Variants in ABI3BP observed in about 807,000 individuals in gnomAD.
The protein encoded by ABI3BP is target of Nesh-SH3.
In ABI3BP, 216 loss-of-function variants were observed where a neutral mutation model predicts 268.6. The ratio of observed to expected loss-of-function variants is 0.80; its 90% CI spans 0.72 to 0.90. The LOEUF (loss-of-function observed/expected upper bound fraction) is 0.90, where lower values mean the gene tolerates loss of function less well. Among genes scored for constraint, ABI3BP ranks in the 40% least tolerant of loss-of-function variants. The pLI, the probability that ABI3BP is intolerant of heterozygous loss-of-function variation, is 0.00. For synonymous variants in ABI3BP, 730 were observed against 730.0 expected, an observed-to-expected ratio of 1.00 and a Z score of 0.00; for missense variants, 2,090 against 2,182.4, an observed-to-expected ratio of 0.96 and a Z score of 0.84.
intron 3 of ABI3BP, among the ~76,000 whole-genome samples, chr3:100,900,273 G>T (rs1357407931): frequency 6.6e-6 from 1 of 152,186 alleles, no homozygotes; most frequent in African/African-American, 2.4e-5. Context: ...TGCAGTGAAG[G>T]CAGGGAACAC....
chr3:100,965,157 AAG>A (rs1176746092), intron 1 of ABI3BP, among the ~76,000 whole-genome samples: 3 of 152,172 alleles, frequency 2.0e-5, no homozygotes, highest in Admixed American at 6.5e-5. Flanking sequence ...TCTTTTCAGT[AAG>A]AGTTCAAACC....
intron 14 of ABI3BP, among the ~76,000 whole-genome samples, chr3:100,853,735 T>G (rs1359467879): frequency 6.6e-6 from 1 of 152,212 alleles, no homozygotes; most frequent in Non-Finnish European, 1.5e-5. Flanking sequence ...CTCCCCTCGT[T>G]ATTCCCATAA....
intron 8 of ABI3BP, 87 bp downstream of exon 8, chr3:100,875,421 C>T (rs2099151557): frequency 6.0e-6 from 6 of 995,214 alleles, no homozygotes; most frequent in Admixed American, 1.8e-5. Context: ...AACAGAACTA[C>T]TCACACTGCA....
rs1247174182 is a variant in ABI3BP, at chr3:100,794,952, G to A, written c.3917C>T (p.Pro1306Leu). 5.7e-6 allele frequency: 9 copies of A among 1,571,044 alleles called. No individual in the cohort carries two copies. Among genetic ancestry groups the A allele is most frequent in the Non-Finnish European group, 7.8e-6 (9 of 1,158,022 alleles). Reference sequence around the variant, plus strand: ...AGTGGTCTGTAGTTCCTCTTGACTAGGACTTGGGGAAATCATGGGTATAAA... The same window carrying A: ...AGTGGTCTGTAGTTCCTCTTGACTAAGACTTGGGGAAATCATGGGTATAAA... The part of the protein sequence containing the change: ...IPFIPMISPS[P>L]SQEELQTTLE... The change falls in exon 54 of 68, where the codon CCT becomes CTT. Residue 1306 changes from proline to leucine, a missense_variant. By Grantham distance (98) the Pro-to-Leu change is moderately conservative (BLOSUM62 -3). Coordinates refer to ENST00000471714, the MANE Select transcript of ABI3BP (RefSeq NM_001375547.2).
rs62274059 is a variant in ABI3BP, at chr3:100,838,074, C to T, written c.2083+136G>A. 3.1e-3 allele frequency: 3,020 copies of T among 970,462 alleles called. 13 individuals are homozygous for T. Among genetic ancestry groups the T allele is most frequent in the Non-Finnish European group, 4.3e-3 (2,809 of 657,934 alleles). 60.1% of individuals were successfully genotyped at this position (970,462 alleles called of 1,614,324 possible). A position where few individuals can be genotyped will look rare whatever the true frequency, so the allele number is the denominator to read the frequency against. ...TTTAGCACTTAAAACATCAGTGTGG[C>T]TACTTGGAGAAGATAATGAACAAAA... is the stretch of plus-strand genomic sequence containing the variant. On this transcript the variant is annotated intron_variant, in intron 26 of 67. Coordinates refer to ENST00000471714, the MANE Select transcript of ABI3BP (RefSeq NM_001375547.2).
chr3:100,938,076 A>G (rs1049332842), intron 1 of ABI3BP, among the ~76,000 whole-genome samples: 2 of 152,100 alleles, frequency 1.3e-5, no homozygotes, highest in African/African-American at 2.4e-5. Context: ...GTTCTCACTT[A>G]TAAGTGGGGG....
chr3:100,774,551 C>G, intron 61 of ABI3BP, 54 bp downstream of exon 61: 2 of 1,392,694 alleles, frequency 1.4e-6, no homozygotes, highest in South Asian at 2.7e-5. Flanking sequence ...CTGGCTGATA[C>G]ACCTACCAAA....
intron 42 of ABI3BP, 36 bp downstream of exon 42, chr3:100,817,400 A>C: frequency 1.4e-6 from 2 of 1,397,686 alleles, no homozygotes; most frequent in Non-Finnish European, 1.9e-6. Flanking sequence ...GAAAATAAGG[A>C]GGAAAAAGTT....
chr3:100,928,592 C>G (rs2062619928), intron 1 of ABI3BP, among the ~76,000 whole-genome samples: 1 of 152,034 alleles, frequency 6.6e-6, no homozygotes, highest in Non-Finnish European at 1.5e-5. Context: ...TTTTACTTTC[C>G]AAGAACTTGA....
At chr3:100,979,856 G>C (rs1156508899) in intron 1 of ABI3BP, among the ~76,000 whole-genome samples, 1 of 152,188 alleles carries the variant, frequency 6.6e-6, no homozygotes, top group Admixed American at 6.5e-5. Context: ...AGGCACCTGA[G>C]AATATTTGAA....
intron 14 of ABI3BP, among the ~76,000 whole-genome samples, chr3:100,857,915 A>G (rs1325315785): frequency 3.9e-5 from 6 of 152,234 alleles, no homozygotes. Flanking sequence ...CAGTAGAGAA[A>G]TGATCCAACA....
Position 100,862,869 on chromosome 3 carries a change from G to A in ABI3BP, c.1179C>T (p.Pro393=). The part of the protein sequence containing the change: ...SLPEFPEAKT[P]FPFEKPRGTL... ...TGCCCCTAGGTTTCTCAAAAGGGAA[G>A]GGTGTTTTTGCCTCAGGAAATTCTG... Residue 393 remains proline (P), a synonymous_variant, in exon 13 of 68, where the codon CCC becomes CCT. Coordinates refer to ENST00000471714, the MANE Select transcript of ABI3BP (RefSeq NM_001375547.2). 2.0e-6 allele frequency: 3 copies of A among 1,535,760 alleles called. No homozygotes were observed. Among genetic ancestry groups the A allele is most frequent in the African/African-American group, 1.4e-5 (1 of 73,128 alleles).
intron 45 of ABI3BP, among the ~76,000 whole-genome samples, chr3:100,813,336 G>A (rs2097911839): frequency 6.6e-6 from 1 of 152,080 alleles, no homozygotes; most frequent in Non-Finnish European, 1.5e-5. Flanking sequence ...ATTAAAGAGA[G>A]CCACAAACTT....
chr3:100,810,623 T>C, intron 48 of ABI3BP, 146 bp from the exon 49 acceptor site: 1 of 552,838 alleles, frequency 1.8e-6, no homozygotes, highest in East Asian at 2.9e-5. Context: ...TACTCCTTCA[T>C]AATGCATTTG....
At chr3:100,817,378 T>A (rs765779808) in intron 42 of ABI3BP, 58 bp downstream of exon 42, 2 of 1,194,868 alleles carry the variant, frequency 1.7e-6, no homozygotes, top group African/African-American at 1.5e-5. Context: ...ATGATAATGA[T>A]GGAATGGATT....
intron 4 of ABI3BP, among the ~76,000 whole-genome samples, chr3:100,887,116 C>T (rs2042328585): frequency 6.6e-6 from 1 of 151,968 alleles, no homozygotes; most frequent in Non-Finnish European, 1.5e-5. Context: ...ATTCACTTAA[C>T]TTGCCCAATA....
chr3:100,749,256 T>TCAG lies in ABI3BP; in HGVS notation c.*1238_*1239insCTG, dbSNP rs1491462018. 2.2e-3 allele frequency: 58 copies of TCAG among 25,906 alleles called. No homozygotes were observed. Among genetic ancestry groups the TCAG allele is most frequent in the African/African-American group, 9.3e-3 (57 of 6,110 alleles). The allele number at this position is 25,906 out of a possible 1,614,324, so 1.6% of individuals were successfully genotyped here. A position where few individuals can be genotyped will look rare whatever the true frequency, so the allele number is the denominator to read the frequency against. On this transcript the variant is annotated 3_prime_UTR_variant, in exon 68 of 68. Coordinates refer to ENST00000471714, the MANE Select transcript of ABI3BP (RefSeq NM_001375547.2). ...GGGGTTGGTAGAGCCTGAATAAAAC[T>TCAG]TAGTGATTTTCCTTCTCGATAAAAG...
intron 36 of ABI3BP, among the ~76,000 whole-genome samples, chr3:100,823,731 G>A (rs1365509884): frequency 6.6e-6 from 1 of 152,158 alleles, no homozygotes; most frequent in Admixed American, 6.5e-5. Flanking sequence ...ACTATCTTGA[G>A]TATGTTAAAG....
intron 49 of ABI3BP, 107 bp downstream of exon 49, chr3:100,810,305 G>T: frequency 1.1e-6 from 1 of 918,336 alleles, no homozygotes. Context: ...ACCCATCAAA[G>T]TCTGTGGGCA....
Sources: allele counts gnomAD v4.1 joint callset (sites outside exome capture counted in the v4.1 genomes callset), GRCh38; gene constraint gnomAD v4.1.1; transcripts MANE v1.5; gene names NCBI Gene and HGNC (gene_info 2026-07-23, HGNC 2026-07-21).